Variants in PALLD observed in about 807,000 individuals in gnomAD.
PALLD encodes the protein palladin.
In PALLD, 61 loss-of-function variants were observed where a neutral mutation model predicts 123.5. That is an observed-to-expected ratio of 0.49 (90% CI 0.40 to 0.61). The LOEUF is 0.61. PALLD is among the 20% of genes least tolerant of loss of function. PALLD has a pLI of 0.00. For missense variants in PALLD, 1,273 were observed against 1,377.0 expected (o/e 0.92, Z 1.20); for synonymous variants, 465 against 496.4 (o/e 0.94, Z 0.84).
In PALLD at chr4:168,928,256, G is replaced by T. The variant is rs1336451238; in HGVS notation, c.*2076G>T. The T allele has an allele frequency of 1.1e-5, 2 of 182,832 alleles. No individual in the cohort carries two copies. Among genetic ancestry groups the T allele is most frequent in the Non-Finnish European group, 2.3e-5 (2 of 85,752 alleles). The allele number at this position is 182,832 out of a possible 1,614,324, so 11.3% of individuals were successfully genotyped here. On this transcript the variant is annotated 3_prime_UTR_variant, in exon 22 of 22. Transcript: ENST00000505667. ...TTACTTGCCAAATTTTTCTGAATGT[G>T]ACCTTTTTTTGCTGATTTGCTGGGT... is the stretch of plus-strand genomic sequence containing the variant.
At chr4:168,776,094 G>A (rs181057264) in intron 10 of PALLD, among the ~76,000 whole-genome samples, 1 of 152,272 alleles carries the variant, frequency 6.6e-6, no homozygotes, top group Admixed American at 6.5e-5. Context: ...TTTGAATCAA[G>A]GTTATTTTGA....
At chr4:168,832,271 G>C (rs1372965089) in intron 10 of PALLD, 1 of 826,942 alleles carries the variant, frequency 1.2e-6, no homozygotes, top group African/African-American at 1.9e-5. Context: ...TGCAGGGCTC[G>C]GGACAGGGTG....
chr4:168,795,484 C>T (rs557408240), intron 10 of PALLD, among the ~76,000 whole-genome samples: 23 of 152,252 alleles, frequency 1.5e-4, no homozygotes, highest in East Asian at 9.6e-4. Context: ...AAAATATGAA[C>T]GCTACAGCAT....
At chr4:168,771,652 C>A (rs1310311556) in intron 10 of PALLD, among the ~76,000 whole-genome samples, 2 of 152,126 alleles carry the variant, frequency 1.3e-5, no homozygotes, top group Non-Finnish European at 2.9e-5. Context: ...TCTGGGTGCC[C>A]ACACCATAGA....
chr4:168,896,711 G>A (rs1755257981), intron 13 of PALLD, 112 bp downstream of exon 13: 1 of 668,534 alleles, frequency 1.5e-6, no homozygotes, highest in Non-Finnish European at 2.6e-6. Context: ...AATTATAAAT[G>A]CTATGACCAG....
intron 17 of PALLD, among the ~76,000 whole-genome samples, chr4:168,920,967 A>T (rs1001413645): frequency 6.6e-6 from 1 of 152,270 alleles, no homozygotes; most frequent in Admixed American, 6.5e-5. Flanking sequence ...GCAAGGTAAG[A>T]CCATGACAGC....
rs577038356 is a variant in PALLD, at chr4:168,770,175, T to G, written c.1964+58252T>G. Among the ~76,000 whole-genome samples, 14 of 152,354 alleles carry G rather than the reference T, an allele frequency of 9.2e-5. No homozygotes were observed. The East Asian group carries it at 1.7e-3, about 19-fold the overall frequency. On this transcript the variant is annotated intron_variant, in intron 10 of 21. Coordinates refer to ENST00000505667, the MANE Select transcript of PALLD (RefSeq NM_001166108.2). ...TTTCTATCACTAGCAACATCTACTC[T>G]GGAAACGGTTGTCTAAGGTTATGCC...
At chr4:168,662,453 C>T (rs1238052425) in intron 2 of PALLD, among the ~76,000 whole-genome samples, 4 of 152,242 alleles carry the variant, frequency 2.6e-5, no homozygotes, top group African/African-American at 9.6e-5. Flanking sequence ...TAGCCTTAAA[C>T]AGCTGTGCTG....
At chr4:168,795,088 A>G (rs1161399727) in intron 10 of PALLD, among the ~76,000 whole-genome samples, 2 of 152,126 alleles carry the variant, frequency 1.3e-5, no homozygotes, top group Non-Finnish European at 2.9e-5. Flanking sequence ...ACTCTCATCC[A>G]TGAGAGTTCC....
chr4:168,911,533 C>A (rs1453056467), intron 15 of PALLD, among the ~76,000 whole-genome samples: 3 of 152,146 alleles, frequency 2.0e-5, no homozygotes, highest in African/African-American at 4.8e-5. Flanking sequence ...CAAAAAGAAT[C>A]ATTAATTTTA....
chr4:168,504,014 T>G (rs948647087), intron 1 of PALLD, among the ~76,000 whole-genome samples: 39 of 152,234 alleles, frequency 2.6e-4, no homozygotes, highest in African/African-American at 9.4e-4. Flanking sequence ...TAATAGAAAT[T>G]ATCACGCTCC....
chr4:168,763,885 C>T (rs17542654), intron 10 of PALLD, among the ~76,000 whole-genome samples: 20,841 of 152,200 alleles, frequency 0.14, 1,815 homozygotes, highest in Non-Finnish European at 0.2. Flanking sequence ...AGCCTCAGAG[C>T]CTTAGAAGCC....
At chr4:168,732,732 G>T (rs1487472786) in intron 10 of PALLD, among the ~76,000 whole-genome samples, 1 of 152,116 alleles carries the variant, frequency 6.6e-6, no homozygotes, top group Non-Finnish European at 1.5e-5. Flanking sequence ...AGACAAAAAT[G>T]TTGCACTGAT....
chr4:168,688,942 T>C (rs1370825530), intron 6 of PALLD, among the ~76,000 whole-genome samples: 1 of 152,198 alleles, frequency 6.6e-6, no homozygotes, highest in Non-Finnish European at 1.5e-5. Flanking sequence ...CTGGACCCCA[T>C]AAGTGACACT....
chr4:168,662,342 C>T (rs1779208265), intron 2 of PALLD, among the ~76,000 whole-genome samples: 1 of 152,180 alleles, frequency 6.6e-6, no homozygotes, highest in Non-Finnish European at 1.5e-5. Flanking sequence ...TTAAACAGGG[C>T]TTTCAGGATC....
chr4:168,699,683 G>C (rs1307548118), intron 8 of PALLD, among the ~76,000 whole-genome samples: 1 of 152,038 alleles, frequency 6.6e-6, no homozygotes, highest in Non-Finnish European at 1.5e-5. Flanking sequence ...TGTTAAGTAG[G>C]TCCAGGAACT....
At chr4:168,575,971 C>A (rs1769526909) in intron 2 of PALLD, among the ~76,000 whole-genome samples, 1 of 152,122 alleles carries the variant, frequency 6.6e-6, no homozygotes, top group Non-Finnish European at 1.5e-5. Context: ...ATGAGGAGCT[C>A]CAGGTATTTC....
At chr4:168,780,300 A>ATT (rs1735738761) in intron 10 of PALLD, among the ~76,000 whole-genome samples, 2 of 152,122 alleles carry the variant, frequency 1.3e-5, no homozygotes, top group Admixed American at 6.5e-5. Context: ...GAGCAGATCT[A>ATT]TTTCCTACCA....
intron 10 of PALLD, among the ~76,000 whole-genome samples, chr4:168,809,245 A>G (rs1334841154): frequency 6.6e-6 from 1 of 152,100 alleles, no homozygotes; most frequent in South Asian, 2.1e-4. Flanking sequence ...AAATTCCCTC[A>G]GGGTAAAACA....
Sources: allele counts gnomAD v4.1 joint callset (sites outside exome capture counted in the v4.1 genomes callset), GRCh38; gene constraint gnomAD v4.1.1; transcripts MANE v1.5; gene names NCBI Gene and HGNC (gene_info 2026-07-23, HGNC 2026-07-21).